Variants in AGO3 observed in about 807,000 individuals in gnomAD.
AGO3 encodes argonaute RISC catalytic component 3.
In AGO3, 16 loss-of-function variants were observed where a neutral mutation model predicts 105.5. The observed-to-expected ratio is 0.15, with a 90% CI of 0.10 to 0.23. The LOEUF (loss-of-function observed/expected upper bound fraction) is 0.23, where lower values mean the gene tolerates loss of function less well. Ranked by LOEUF, AGO3 falls within the 10% of genes least tolerant of loss-of-function variation. AGO3 has a pLI of 1.00. For synonymous variants in AGO3, 340 were observed against 367.3 expected, an observed-to-expected ratio of 0.93 and a Z score of 0.85; for missense variants, 534 against 1,088.0, an observed-to-expected ratio of 0.49 and a Z score of 7.16.
chr1:35,982,810 T>C, intron 5 of AGO3: 1 of 559,434 alleles, frequency 1.8e-6, no homozygotes, highest in South Asian at 2.7e-5. Context: ...ACTTTGGGTG[T>C]AGTACTGGTA....
chr1:35,982,506 GAAAT>G (rs1419253496), intron 5 of AGO3: 108 of 609,474 alleles, frequency 1.8e-4, no homozygotes, highest in Middle Eastern at 2.6e-4. Flanking sequence ...AGAATAGAAA[GAAAT>G]AAAAGATAAA....
chr1:36,010,951 AAG>A lies in AGO3; in HGVS notation c.1149+1361_1149+1362del, dbSNP rs201595967. 8.0e-3 allele frequency among the ~76,000 whole-genome samples: 1,209 copies of A among 151,876 alleles called. 19 individuals are homozygous for A. Among genetic ancestry groups the A allele is most frequent in the African/African-American group, 0.027 (1,131 of 41,382 alleles). ...AGAGAGGGAGGGAGGGAGGGAAAGA[AAG>A]AGAAAAAGAGAGAGAAAGAAAAGAA... On this transcript the variant is annotated intron_variant, in intron 9 of 18. Transcript: ENST00000373191.
At chr1:35,963,899 A>G (rs1365456443) in intron 2 of AGO3, among the ~76,000 whole-genome samples, 1 of 152,132 alleles carries the variant, frequency 6.6e-6, no homozygotes, top group African/African-American at 2.4e-5. Flanking sequence ...AGGAGTAGCA[A>G]ACAGAAGATA....
intron 2 of AGO3, among the ~76,000 whole-genome samples, chr1:35,950,175 C>T (rs1009825221): frequency 7.3e-5 from 11 of 151,586 alleles, no homozygotes; most frequent in Non-Finnish European, 1.3e-4. Context: ...GAGCCGACGT[C>T]GTGCCACTGC....
At position 36,042,521 on chromosome 1, in the gene AGO3, G is replaced by T. The variant is rs75183875; in HGVS notation, c.2173-926G>T. Among the ~76,000 whole-genome samples, 1,025 of 152,246 alleles carry T rather than the reference G, an allele frequency of 6.7e-3. 8 individuals carry two copies. Among genetic ancestry groups the T allele is most frequent in the African/African-American group, 0.023 (973 of 41,542 alleles). ...GTGCTTGGTAAAGTGAAGCTGGTTG[G>T]TCCACACCACTATAATTCAAGGTAC... On this transcript the variant is annotated intron_variant, in intron 16 of 18. Transcript: ENST00000373191.
At chr1:36,052,184 A>G (rs1642742770) in intron 17 of AGO3, among the ~76,000 whole-genome samples, 1 of 152,050 alleles carries the variant, frequency 6.6e-6, no homozygotes, top group Non-Finnish European at 1.5e-5. Context: ...CAACAGATGA[A>G]TGAAGAAAAT....
chr1:35,997,451 T>C (rs1202984932), intron 5 of AGO3, among the ~76,000 whole-genome samples: 1 of 152,154 alleles, frequency 6.6e-6, no homozygotes. Flanking sequence ...CAAAATGTTG[T>C]GCAGCAGCAG....
chr1:36,045,704 G>A (rs145810167), intron 17 of AGO3, among the ~76,000 whole-genome samples: 2,363 of 151,134 alleles, frequency 0.016, 56 homozygotes, highest in African/African-American at 0.054. Flanking sequence ...CACCACACGC[G>A]GCTAATTTTT....
chr1:35,943,049 C>T (rs937893343), intron 1 of AGO3, among the ~76,000 whole-genome samples: 3 of 151,734 alleles, frequency 2.0e-5, no homozygotes, highest in African/African-American at 4.8e-5. Context: ...GTCACCCAGG[C>T]GGGAGTGCAG....
intron 2 of AGO3, among the ~76,000 whole-genome samples, chr1:35,955,572 C>A (rs1241647111): frequency 6.6e-6 from 1 of 150,912 alleles, no homozygotes. Flanking sequence ...AATGAATGAA[C>A]GAGAGGTACA....
chr1:36,050,200 A>T (rs1459684992), intron 17 of AGO3, among the ~76,000 whole-genome samples: 3 of 152,216 alleles, frequency 2.0e-5, no homozygotes, highest in Non-Finnish European at 4.4e-5. Context: ...AAAATAATGG[A>T]GGCGGTCAGG....
At chr1:35,939,874 C>G (rs1646221519) in intron 1 of AGO3, among the ~76,000 whole-genome samples, 1 of 152,014 alleles carries the variant, frequency 6.6e-6, no homozygotes, top group African/African-American at 2.4e-5. Flanking sequence ...CTACTTTTCC[C>G]TCTTTTATAT....
rs373915484 is a variant in AGO3, at chr1:35,990,246, C to A, written c.659-14095C>A. The stretch of plus-strand genomic sequence containing the variant: ...TTTTGTGGCCAGGCACGGTGGCTCA[C>A]GCCTGTAATCCCAGCACTTTGGGAG... On this transcript the variant is annotated intron_variant, in intron 5 of 18. Coordinates refer to ENST00000373191, the MANE Select transcript of AGO3 (RefSeq NM_024852.4). Among the ~76,000 whole-genome samples the A allele has an allele frequency of 2.6e-5, 4 of 152,292 alleles. No individual in the cohort carries two copies. In the East Asian group the frequency reaches 5.8e-4, roughly 22 times the overall value.
chr1:35,967,222 C>T (rs1179655971), intron 3 of AGO3, 147 bp downstream of exon 3: 2 of 1,178,328 alleles, frequency 1.7e-6, no homozygotes, highest in East Asian at 5.5e-5. Context: ...TAATTTCAAA[C>T]TTAAAGAAAA....
rs939645658 is a variant in AGO3, at chr1:36,069,577, C to T, written c.*13832C>T. On this transcript the variant is annotated 3_prime_UTR_variant, in exon 19 of 19. Transcript: ENST00000373191. ...GGAATAAGAGAAACATAGGCCTTAT[C>T]ATGGTGTAGTGTTCACTTACAAACA... 1.3e-5 allele frequency: 2 copies of T among 152,216 alleles called. No homozygotes were observed. The highest frequency in any genetic ancestry group is 2.9e-5 in the Non-Finnish European group (2 of 68,046). 9.4% of individuals were successfully genotyped at this position (152,216 alleles called of 1,614,324 possible). A position where few individuals can be genotyped will look rare whatever the true frequency, so the allele number is the denominator to read the frequency against.
rs1169494104 is a variant in AGO3, at chr1:36,060,489, A to G, written c.*4744A>G. The G allele has an allele frequency of 1.3e-5, 2 of 152,254 alleles. No individual in the cohort carries two copies. The highest frequency in any genetic ancestry group is 4.8e-5 in the African/African-American group (2 of 41,470). 9.4% of individuals were successfully genotyped at this position (152,254 alleles called of 1,614,324 possible). On this transcript the variant is annotated 3_prime_UTR_variant, in exon 19 of 19. Coordinates refer to ENST00000373191, the MANE Select transcript of AGO3 (RefSeq NM_024852.4). ...TTGATGGATCTGTTTAGAGCCCTACATGAATTTGCCAAGGGCAGTGATTTT... is the reference window on the plus strand; with the variant it reads ...TTGATGGATCTGTTTAGAGCCCTACGTGAATTTGCCAAGGGCAGTGATTTT...
intron 2 of AGO3, among the ~76,000 whole-genome samples, chr1:35,947,396 A>G (rs1646386654): frequency 6.6e-6 from 1 of 152,150 alleles, no homozygotes; most frequent in African/African-American, 2.4e-5. Flanking sequence ...AAGTCAAAAG[A>G]GTAGTGCCCT....
chr1:35,940,521 G>A (rs1464615845), intron 1 of AGO3, among the ~76,000 whole-genome samples: 1 of 152,006 alleles, frequency 6.6e-6, no homozygotes, highest in African/African-American at 2.4e-5. Flanking sequence ...TCACGATCTG[G>A]ATTTTGCTGG....
At chr1:36,044,720 G>T (rs1262036844) in intron 17 of AGO3, among the ~76,000 whole-genome samples, 1 of 152,144 alleles carries the variant, frequency 6.6e-6, no homozygotes, top group African/African-American at 2.4e-5. Flanking sequence ...GGGATTACAG[G>T]CTTGAGCCAC....
Sources: allele counts gnomAD v4.1 joint callset (sites outside exome capture counted in the v4.1 genomes callset), GRCh38; gene constraint gnomAD v4.1.1; transcripts MANE v1.5; gene names NCBI Gene and HGNC (gene_info 2026-07-23, HGNC 2026-07-21).